AUTS2: variants seen among roughly 807,000 people sequenced by gnomAD.
AUTS2 encodes the protein autism susceptibility gene 2 protein.
A neutral mutation model predicts 112.4 loss-of-function variants in AUTS2; 17 were observed. That is an observed-to-expected ratio of 0.15 (90% CI 0.10 to 0.23). AUTS2 has a LOEUF of 0.23. Ranked by LOEUF, AUTS2 falls within the 10% of genes least tolerant of loss-of-function variation. AUTS2 has a pLI of 1.00. For missense variants in AUTS2, 1,510 were observed against 1,701.6 expected (o/e 0.89, Z 1.98); for synonymous variants, 751 against 702.7 (o/e 1.07, Z -1.09).
chr7:69,859,565 T>C (rs1221555324), intron 1 of AUTS2, among the ~76,000 whole-genome samples: 1 of 152,192 alleles, frequency 6.6e-6, no homozygotes, highest in African/African-American at 2.4e-5. Flanking sequence ...CATCCAAAAA[T>C]AGGCATTAAA....
rs143704422 is a variant in AUTS2 at position 70,069,448 on chromosome 7, C to G, written c.523-48684C>G. Among the ~76,000 whole-genome samples the G allele has an allele frequency of 7.9e-4, 120 of 152,290 alleles. No homozygotes were observed. In the Middle Eastern group the frequency reaches 0.027, roughly 35 times the overall value. On this transcript the variant is annotated intron_variant, in intron 2 of 18. Transcript: ENST00000342771. ...CATACAGGATCAGTTAGGTTAGATT[C>G]TCCCTTTGTAATTAATCCTAATTGC...
At position 69,599,485 on chromosome 7, in the gene AUTS2, T is replaced by C. The variant is rs1792249200; in HGVS notation, c.-169T>C. ...CGCCCCTTCCCCCTTTTCTTTCTCC[T>C]CTCTTTCTTCCCCTCTCTCCCTTCT... is the stretch of plus-strand genomic sequence containing the variant. On this transcript the variant is annotated 5_prime_UTR_variant, in exon 1 of 19. Transcript: ENST00000342771. The surrounding 1 kb of genome is among the most constrained non-coding windows in gnomAD (Gnocchi z 7.0). The C allele has an allele frequency of 3.1e-5, 16 of 522,132 alleles. No homozygotes were observed. In the East Asian group the frequency reaches 6.4e-4, roughly 21 times the overall value. 32.3% of individuals were successfully genotyped at this position (522,132 alleles called of 1,614,324 possible).
At chr7:70,262,442 C>A (rs10258962) in intron 4 of AUTS2, among the ~76,000 whole-genome samples, 46,299 of 151,994 alleles carry the variant, frequency 0.3, 7,397 homozygotes, top group African/African-American at 0.39. Flanking sequence ...CACCCCCCTC[C>A]GCCTTTTAAA....
At chr7:69,787,805 C>CT (rs757259590) in intron 1 of AUTS2, among the ~76,000 whole-genome samples, 2 of 152,176 alleles carry the variant, frequency 1.3e-5, no homozygotes, top group Non-Finnish European at 2.9e-5. Flanking sequence ...GAACTCCTGA[C>CT]TTCAGGTGAT....
chr7:70,687,135 C>T (rs1808511945), intron 5 of AUTS2, among the ~76,000 whole-genome samples: 1 of 152,162 alleles, frequency 6.6e-6, no homozygotes, highest in Non-Finnish European at 1.5e-5. Flanking sequence ...CGTACCTGGA[C>T]TTAGTAGGGT....
intron 2 of AUTS2, among the ~76,000 whole-genome samples, chr7:69,961,080 A>G (rs1409343615): frequency 6.6e-6 from 1 of 152,102 alleles, no homozygotes; most frequent in Non-Finnish European, 1.5e-5. Context: ...TTTGCTGTCC[A>G]TGTGTTCGCT....
intron 2 of AUTS2, among the ~76,000 whole-genome samples, chr7:70,094,399 T>G (rs961774066): frequency 3.3e-5 from 5 of 152,214 alleles, no homozygotes; most frequent in African/African-American, 1.2e-4. Context: ...AGCCACAGTT[T>G]CCCCTTGGGC....
rs912102853 is a variant in AUTS2, at chr7:70,730,018, G to A, written c.742+31398G>A. ...TTGCCTCAGCCTACTGCGTAGCTGGGATTACAGGCACACGCCACCACGCCC... is the reference window on the plus strand; with the variant it reads ...TTGCCTCAGCCTACTGCGTAGCTGGAATTACAGGCACACGCCACCACGCCC... On this transcript the variant is annotated intron_variant, in intron 6 of 18. Transcript: ENST00000342771. 4.6e-5 allele frequency among the ~76,000 whole-genome samples: 7 copies of A among 152,146 alleles called. 1 individual carries two copies. The highest frequency in any genetic ancestry group is 3.9e-4 in the Admixed American group (6 of 15,270).
intron 5 of AUTS2, among the ~76,000 whole-genome samples, chr7:70,442,390 T>C (rs531307535): frequency 1.3e-5 from 2 of 152,324 alleles, no homozygotes; most frequent in South Asian, 4.1e-4. Context: ...CTATATTTCA[T>C]CTACAGTTTT....
At chr7:70,645,088 A>G (rs1806075824) in intron 5 of AUTS2, among the ~76,000 whole-genome samples, 1 of 152,196 alleles carries the variant, frequency 6.6e-6, no homozygotes. Context: ...AGTTGGAAAT[A>G]CTAGTAGCAT....
intron 4 of AUTS2, among the ~76,000 whole-genome samples, chr7:70,350,064 G>A (rs1321276938): frequency 2.0e-5 from 3 of 152,198 alleles, no homozygotes; most frequent in Non-Finnish European, 4.4e-5. Flanking sequence ...AAGCTTGACA[G>A]TTAAGCTCAT....
chr7:70,499,189 G>C (rs1204091169), intron 5 of AUTS2, among the ~76,000 whole-genome samples: 1 of 152,218 alleles, frequency 6.6e-6, no homozygotes, highest in Non-Finnish European at 1.5e-5. Context: ...TGTGATGCAT[G>C]TGTCCGCAGG....
In AUTS2 at chr7:69,753,347, T is replaced by C. The variant is rs191196448; in HGVS notation, c.310-145939T>C. 1.1e-4 allele frequency among the ~76,000 whole-genome samples: 17 copies of C among 148,842 alleles called. No homozygotes were observed. The Admixed American group carries it at 1.1e-3, about 10-fold the overall frequency. Reference sequence around the variant, plus strand: ...AACAGTGAGTTGGAAATTGTTCCTGTTGATCTGTTTTTTTTTTTCTTTTGT... The same window carrying C: ...AACAGTGAGTTGGAAATTGTTCCTGCTGATCTGTTTTTTTTTTTCTTTTGT... On this transcript the variant is annotated intron_variant, in intron 1 of 18. Coordinates refer to ENST00000342771, the MANE Select transcript of AUTS2 (RefSeq NM_015570.4).
At chr7:70,018,847 G>A (rs1219987359) in intron 2 of AUTS2, among the ~76,000 whole-genome samples, 1 of 152,184 alleles carries the variant, frequency 6.6e-6, no homozygotes, top group African/African-American at 2.4e-5. Flanking sequence ...GTGAAAGACA[G>A]TATGTCAATT....
At chr7:70,622,193 G>C (rs1299187024) in intron 5 of AUTS2, among the ~76,000 whole-genome samples, 1 of 152,018 alleles carries the variant, frequency 6.6e-6, no homozygotes, top group Non-Finnish European at 1.5e-5. Context: ...TATTCTTGGA[G>C]CGGAGATGTC....
At chr7:70,210,444 G>C (rs547406659) in intron 4 of AUTS2, among the ~76,000 whole-genome samples, 4 of 152,122 alleles carry the variant, frequency 2.6e-5, no homozygotes, top group African/African-American at 9.7e-5. Context: ...CCCAGATAAG[G>C]CACCCACTTT....
chr7:70,480,346 G>A lies in AUTS2; in HGVS notation c.690+44565G>A, dbSNP rs540061052. Among the ~76,000 whole-genome samples the A allele has an allele frequency of 2.8e-4, 43 of 152,258 alleles. No homozygotes were observed. The South Asian group carries it at 3.5e-3, about 12-fold the overall frequency. Reference sequence around the variant, plus strand: ...CTTAAGGGACATATAGAATGTTGAGGTAGAAATAGCTCAGAAGAAAGTTGA... The same window carrying A: ...CTTAAGGGACATATAGAATGTTGAGATAGAAATAGCTCAGAAGAAAGTTGA... On this transcript the variant is annotated intron_variant, in intron 5 of 18. Transcript: ENST00000342771.
intron 1 of AUTS2, among the ~76,000 whole-genome samples, chr7:69,781,192 A>G (rs1789130726): frequency 6.6e-6 from 1 of 152,216 alleles, no homozygotes; most frequent in Non-Finnish European, 1.5e-5. Flanking sequence ...TAAATTTCAG[A>G]CGTTGTCTCC....
At chr7:70,484,057 A>T (rs186902747) in intron 5 of AUTS2, among the ~76,000 whole-genome samples, 36 of 152,354 alleles carry the variant, frequency 2.4e-4, no homozygotes, top group Admixed American at 4.6e-4. Flanking sequence ...TGGAAGTAAG[A>T]TTTGTTGCAA....
Sources: gnomAD v4.1 joint callset for allele counts (sites outside exome capture counted in the v4.1 genomes callset) on GRCh38, gnomAD v4.1.1 for gene constraint, Gnocchi (gnomAD v3.1) non-coding constraint, MANE v1.5 for transcripts, NCBI Gene and HGNC (gene_info 2026-07-23, HGNC 2026-07-21) for gene names.